The following IGF2BP2 variants were observed in gnomAD, a reference collection of about 807,000 sequenced individuals.
IGF2BP2 encodes insulin-like growth factor 2 mRNA-binding protein 2.
A neutral mutation model predicts 75.8 loss-of-function variants in IGF2BP2; 17 were observed. The observed-to-expected ratio is 0.22, with a 90% CI of 0.15 to 0.34. The LOEUF is 0.34. Among genes scored for constraint, IGF2BP2 ranks in the 10% least tolerant of loss-of-function variants. The probability of loss-of-function intolerance (pLI) is 1.00; values close to 1 mark genes in which losing one functional copy is unlikely to be tolerated. For missense variants in IGF2BP2, 516 were observed against 772.4 expected, an observed-to-expected ratio of 0.67 and a Z score of 3.93; for synonymous variants, 288 against 295.6, an observed-to-expected ratio of 0.97 and a Z score of 0.26.
chr3:185,738,044 G>A (rs1331438811), intron 2 of IGF2BP2, among the ~76,000 whole-genome samples: 1 of 152,158 alleles, frequency 6.6e-6, no homozygotes, highest in Non-Finnish European at 1.5e-5. Context: ...GTATTACCAG[G>A]CCATTGCCAA....
chr3:185,657,540 AC>A, intron 11 of IGF2BP2, 138 bp from the exon 12 acceptor site: 1 of 636,524 alleles, frequency 1.6e-6, no homozygotes, highest in Non-Finnish European at 2.8e-6. Flanking sequence ...AAAATGGTGC[AC>A]AGGATCCTTC....
At chr3:185,791,063 T>C (rs1736580768) in intron 2 of IGF2BP2, among the ~76,000 whole-genome samples, 1 of 152,230 alleles carries the variant, frequency 6.6e-6, no homozygotes, top group Non-Finnish European at 1.5e-5. Context: ...CAGGAGTTTC[T>C]AGATGACAAT....
chr3:185,650,707 A>T (rs925812690), intron 13 of IGF2BP2, among the ~76,000 whole-genome samples: 1 of 148,556 alleles, frequency 6.7e-6, no homozygotes, highest in East Asian at 1.9e-4. Context: ...AAAAAAAAAT[A>T]TATCAATTTC....
chr3:185,727,350 G>A (rs940569045), intron 2 of IGF2BP2, among the ~76,000 whole-genome samples: 4 of 152,170 alleles, frequency 2.6e-5, no homozygotes, highest in Admixed American at 2.0e-4. Flanking sequence ...GTGGGGAGGG[G>A]CCTCACAGAG....
chr3:185,766,815 G>GC (rs1258388603), intron 2 of IGF2BP2, among the ~76,000 whole-genome samples: 1 of 152,118 alleles, frequency 6.6e-6, no homozygotes, highest in Non-Finnish European at 1.5e-5. Context: ...AGATGAGATC[G>GC]CAAGTTTGAA....
At chr3:185,686,026 G>A (rs1721077069) in intron 7 of IGF2BP2, among the ~76,000 whole-genome samples, 1 of 152,158 alleles carries the variant, frequency 6.6e-6, no homozygotes, top group African/African-American at 2.4e-5. Flanking sequence ...GGTAAGAACT[G>A]TATTTGTCAT....
intron 2 of IGF2BP2, among the ~76,000 whole-genome samples, chr3:185,715,527 G>A (rs1034547733): frequency 2.6e-5 from 4 of 152,224 alleles, no homozygotes; most frequent in African/African-American, 9.6e-5. Context: ...CCTCAGAAAA[G>A]AGAACTCTAC....
At chr3:185,769,179 A>G (rs904863231) in intron 2 of IGF2BP2, among the ~76,000 whole-genome samples, 4 of 151,964 alleles carry the variant, frequency 2.6e-5, no homozygotes, top group African/African-American at 9.7e-5. Context: ...CCCCACCTCT[A>G]TAAAAATTTT....
chr3:185,760,995 TTAAA>T (rs1732282225), intron 2 of IGF2BP2, among the ~76,000 whole-genome samples: 1 of 148,968 alleles, frequency 6.7e-6, no homozygotes, highest in Non-Finnish European at 1.5e-5. Context: ...TATTTTGTAC[TTAAA>T]TACTTTTTTT....
Position 185,692,777 on chromosome 3 carries a change from A to AAAACTACACTGTC in IGF2BP2, c.341-28_341-16dup. The AAAACTACACTGTC allele has an allele frequency of 6.2e-7, 1 of 1,613,452 alleles. No individual in the cohort carries two copies. Among genetic ancestry groups the AAAACTACACTGTC allele is most frequent in the East Asian group, 2.2e-5 (1 of 44,872 alleles). ...GTCTGTGTTGACTAGGGAAAAGGCA[A>AAAACTACACTGTC]AAACTACACTGTCATAGGAAAAAGT... On this transcript the variant is annotated splice_polypyrimidine_tract_variant and intron_variant, in intron 4 of 15. Coordinates refer to ENST00000382199, the MANE Select transcript of IGF2BP2 (RefSeq NM_006548.6).
At chr3:185,800,718 A>AAAAAGAAAG (rs771868332) in intron 2 of IGF2BP2, among the ~76,000 whole-genome samples, 4,769 of 143,360 alleles carry the variant, frequency 0.033, 270 homozygotes, top group African/African-American at 0.12. Flanking sequence ...GAGCCAAAAA[A>AAAAAGAAAG]AAAGAAAGAA....
At chr3:185,713,447 A>G (rs1560340978) in intron 2 of IGF2BP2, 1 of 520,012 alleles carries the variant, frequency 1.9e-6, no homozygotes, top group Non-Finnish European at 3.8e-6. Flanking sequence ...CCACTAGATA[A>G]CTGTCTAAGG....
intron 2 of IGF2BP2, among the ~76,000 whole-genome samples, chr3:185,775,594 G>C (rs1336299477): frequency 6.6e-6 from 1 of 152,204 alleles, no homozygotes. Context: ...AACAGAATAG[G>C]AGAGGGAACA....
intron 2 of IGF2BP2, among the ~76,000 whole-genome samples, chr3:185,700,424 A>T (rs1723133660): frequency 6.6e-6 from 1 of 152,112 alleles, no homozygotes; most frequent in African/African-American, 2.4e-5. Flanking sequence ...AGAATCACTA[A>T]TTGTGTATCA....
rs193034092 is a variant in IGF2BP2 at position 185,813,749 on chromosome 3, C to G, written c.239+9404G>C. Among the ~76,000 whole-genome samples, 42 of 152,280 alleles carry G rather than the reference C, an allele frequency of 2.8e-4. 2 individuals carry two copies. The highest frequency in any genetic ancestry group is 9.9e-4 in the African/African-American group (41 of 41,552). On this transcript the variant is annotated intron_variant, in intron 2 of 15. Transcript: ENST00000382199. ...GTGTATGCCACAGAACCCATACATT[C>G]CAACACATTGAGCAAGCACACACAT...
At chr3:185,809,595 A>C (rs1739527855) in intron 2 of IGF2BP2, among the ~76,000 whole-genome samples, 1 of 152,110 alleles carries the variant, frequency 6.6e-6, no homozygotes, top group African/African-American at 2.4e-5. Context: ...GCATCATTGC[A>C]CCCTAGCCTG....
At chr3:185,716,473 T>C (rs756516057) in intron 2 of IGF2BP2, 1 of 519,864 alleles carries the variant, frequency 1.9e-6, no homozygotes, top group South Asian at 1.4e-5. Flanking sequence ...GGTCTCTTCT[T>C]ATGTCTCTGC....
chr3:185,781,491 A>G (rs1578279465), intron 2 of IGF2BP2, among the ~76,000 whole-genome samples: 1 of 152,206 alleles, frequency 6.6e-6, no homozygotes, highest in South Asian at 2.1e-4. Context: ...AACTCTTTTT[A>G]AAGGTTTGGC....
chr3:185,756,073 A>C (rs569175236), intron 2 of IGF2BP2, among the ~76,000 whole-genome samples: 3 of 152,204 alleles, frequency 2.0e-5, no homozygotes, highest in Non-Finnish European at 2.9e-5. Flanking sequence ...CCTGGTAGGA[A>C]GTACTAGATC....
Sources: gnomAD v4.1 joint callset for allele counts (sites outside exome capture counted in the v4.1 genomes callset) on GRCh38, gnomAD v4.1.1 for gene constraint, MANE v1.5 for transcripts, NCBI Gene and HGNC (gene_info 2026-07-23, HGNC 2026-07-21) for gene names.